KMT2C: variants seen among roughly 807,000 people sequenced by gnomAD.
The protein encoded by KMT2C is histone-lysine N-methyltransferase 2C.
In KMT2C, 88 loss-of-function variants were observed where a neutral mutation model predicts 507.9. The ratio of observed to expected loss-of-function variants is 0.17; its 90% CI spans 0.15 to 0.21. The LOEUF is 0.21. Among genes scored for constraint, KMT2C ranks in the 10% least tolerant of loss-of-function variants. The pLI, the probability that KMT2C is intolerant of heterozygous loss-of-function variation, is 1.00. For missense variants in KMT2C, 4,954 were observed against 5,957.8 expected, an observed-to-expected ratio of 0.83 and a Z score of 5.55; for synonymous variants, 2,049 against 2,080.8, an observed-to-expected ratio of 0.98 and a Z score of 0.42.
At chr7:152,252,766 T>C (rs764132440) in intron 9 of KMT2C, 51 bp from the exon 10 acceptor site, 10 of 1,354,004 alleles carry the variant, frequency 7.4e-6, no homozygotes, top group South Asian at 6.6e-5. Context: ...GCATTTGTAA[T>C]TGTAGTTCTG....
chr7:152,276,156 A>G (rs2096075633), intron 6 of KMT2C, among the ~76,000 whole-genome samples: 2 of 152,228 alleles, frequency 1.3e-5, no homozygotes, highest in African/African-American at 4.8e-5. Flanking sequence ...CATTTAGGAG[A>G]ACGCTTCAAA....
At chr7:152,257,020 T>C (rs1380566326) in intron 9 of KMT2C, among the ~76,000 whole-genome samples, 1 of 152,182 alleles carries the variant, frequency 6.6e-6, no homozygotes, top group Non-Finnish European at 1.5e-5. Flanking sequence ...CCCTACAGAT[T>C]TGTCCCTGAG....
At chr7:152,233,708 TAAG>T (rs1336949539) in intron 16 of KMT2C, among the ~76,000 whole-genome samples, 2 of 152,164 alleles carry the variant, frequency 1.3e-5, no homozygotes, top group African/African-American at 4.8e-5. Flanking sequence ...ATTAAAATAA[TAAG>T]AAACATTATG....
chr7:152,258,428 T>C (rs2095698663), intron 9 of KMT2C, among the ~76,000 whole-genome samples: 2 of 151,958 alleles, frequency 1.3e-5, no homozygotes, highest in African/African-American at 4.8e-5. Flanking sequence ...GCGGTGGGAG[T>C]GCTAGAGCTG....
At chr7:152,197,875 T>C (rs1054190137) in intron 27 of KMT2C, among the ~76,000 whole-genome samples, 1 of 152,214 alleles carries the variant, frequency 6.6e-6, no homozygotes, top group South Asian at 2.1e-4. Flanking sequence ...CCTCCAAGTT[T>C]TGGCCTTATT....
chr7:152,163,672 G>A lies in KMT2C; in HGVS notation c.9905C>T (p.Pro3302Leu), dbSNP rs2092577305. Residue 3302 changes from proline to leucine, a missense_variant, in exon 43 of 59, where the codon CCC (proline) becomes CTC (leucine). Coordinates refer to ENST00000262189, the MANE Select transcript of KMT2C (RefSeq NM_170606.3). ...CTGCTGTGGCACCATGGGAAAGGTG[G>A]GTTGGCTCATGGTGGGTGGAGTGGC... is the stretch of plus-strand genomic sequence containing the variant. ...PGATPPTMSQ[P>L]TFPMVPQQLQ... 3 of 1,613,820 alleles carry A rather than the reference G, an allele frequency of 1.9e-6. No individual in the cohort carries two copies. Among genetic ancestry groups the A allele is most frequent in the African/African-American group, 2.7e-5 (2 of 74,912 alleles).
chr7:152,259,440 ACACGCG>A (rs1242311664), intron 9 of KMT2C, among the ~76,000 whole-genome samples: 22 of 108,170 alleles, frequency 2.0e-4, no homozygotes, highest in African/African-American at 9.8e-4. Flanking sequence ...ACAGACACAC[ACACGCG>A]CACACACACA....
chr7:152,313,678 T>G (rs2096695372), intron 4 of KMT2C, among the ~76,000 whole-genome samples: 1 of 152,144 alleles, frequency 6.6e-6, no homozygotes, highest in Non-Finnish European at 1.5e-5. Context: ...TTGTAAATAT[T>G]TGAAATCATT....
chr7:152,297,071 G>C (rs867202668), intron 6 of KMT2C, among the ~76,000 whole-genome samples: 1,510 of 110,384 alleles, frequency 0.014, 69 homozygotes, highest in African/African-American at 0.049. Flanking sequence ...GAGAGAGAGA[G>C]AGAGAGAGAG....
At chr7:152,366,770 A>G (rs6979801) in intron 1 of KMT2C, 16,496 of 199,924 alleles carry the variant, frequency 0.083, 1,809 homozygotes, top group African/African-American at 0.28. Context: ...GGATGTAACC[A>G]GCCGCTGAGC....
At chr7:152,254,984 A>T (rs1168104298) in intron 9 of KMT2C, among the ~76,000 whole-genome samples, 1 of 151,330 alleles carries the variant, frequency 6.6e-6, no homozygotes, top group Non-Finnish European at 1.5e-5. Context: ...AAATGTTGAA[A>T]ATCAGTATGA....
intron 7 of KMT2C, among the ~76,000 whole-genome samples, chr7:152,267,908 A>T (rs2095884737): frequency 1.3e-5 from 2 of 152,056 alleles, no homozygotes; most frequent in Non-Finnish European, 2.9e-5. Flanking sequence ...ATAACATGCT[A>T]TTCATGTCTG....
chr7:152,379,492 C>T (rs2097353602), intron 1 of KMT2C, among the ~76,000 whole-genome samples: 1 of 151,716 alleles, frequency 6.6e-6, no homozygotes, highest in African/African-American at 2.4e-5. Flanking sequence ...GAGCCGAGAT[C>T]ATGCCACTGC....
At chr7:152,159,200 T>C (rs2129101840) in intron 43 of KMT2C, 128 bp from the exon 44 acceptor site, 2 of 736,552 alleles carry the variant, frequency 2.7e-6, no homozygotes, top group African/African-American at 3.5e-5. Context: ...GTAGGGAAGA[T>C]AGAGTGGTGT....
At chr7:152,428,458 C>CAAAAA (rs140697569) in intron 1 of KMT2C, among the ~76,000 whole-genome samples, 61 of 73,502 alleles carry the variant, frequency 8.3e-4, no homozygotes, top group African/African-American at 2.1e-3. Flanking sequence ...ACTAAAAATA[C>CAAAAA]AAAAAAAAAA....
At chr7:152,198,276 G>C (rs2094024495) in intron 27 of KMT2C, among the ~76,000 whole-genome samples, 1 of 152,044 alleles carries the variant, frequency 6.6e-6, no homozygotes, top group Admixed American at 6.6e-5. Context: ...TCCAACACGG[G>C]GTAAGATTGC....
chr7:152,239,694 A>G lies in KMT2C; in HGVS notation c.2533-868T>C, dbSNP rs542955146. 2.0e-5 allele frequency among the ~76,000 whole-genome samples: 3 copies of G among 152,314 alleles called. No individual in the cohort carries two copies. The East Asian group carries it at 5.8e-4, about 29-fold the overall frequency. ...CTAAACAGCATAAAGAAAAATGTTT[A>G]CTCCACAAAGATAACATTTTAAAGA... On this transcript the variant is annotated intron_variant, in intron 14 of 58. Transcript: ENST00000262189.
At chr7:152,205,783 T>C (rs2094292057) in intron 24 of KMT2C, among the ~76,000 whole-genome samples, 1 of 152,226 alleles carries the variant, frequency 6.6e-6, no homozygotes, top group African/African-American at 2.4e-5. Flanking sequence ...GTGCACTCTA[T>C]GATGTTCACG....
intron 2 of KMT2C, among the ~76,000 whole-genome samples, chr7:152,343,775 A>T (rs2097023938): frequency 6.6e-6 from 1 of 152,210 alleles, no homozygotes; most frequent in Admixed American, 6.5e-5. Flanking sequence ...GTTGAGAGAA[A>T]GAAAACATCA....
Sources: gnomAD v4.1 joint callset for allele counts (sites outside exome capture counted in the v4.1 genomes callset) on GRCh38, gnomAD v4.1.1 for gene constraint, MANE v1.5 for transcripts, NCBI Gene and HGNC (gene_info 2026-07-23, HGNC 2026-07-21) for gene names.